Variants in CAP1 observed in about 807,000 individuals in gnomAD.
CAP1 encodes cyclase associated actin cytoskeleton regulatory protein 1, also known as adenylyl cyclase-associated protein 1.
CAP1 carries 11 observed loss-of-function variants against 58.2 expected under a neutral mutation model. The ratio of observed to expected loss-of-function variants is 0.19; its 90% confidence interval spans 0.12 to 0.31. The LOEUF is 0.31. Ranked by LOEUF, CAP1 falls within the 10% of genes least tolerant of loss-of-function variation. The pLI, the probability that CAP1 is intolerant of heterozygous loss-of-function variation, is 1.00. For missense variants in CAP1, 423 were observed against 587.5 expected, an observed-to-expected ratio of 0.72 and a Z score of 2.89; for synonymous variants, 183 against 213.8, an observed-to-expected ratio of 0.86 and a Z score of 1.26.
chr1:40,056,705 G>A (rs541160803), intron 1 of CAP1, among the ~76,000 whole-genome samples: 2 of 152,182 alleles, frequency 1.3e-5, no homozygotes, highest in African/African-American at 4.8e-5. Flanking sequence ...CAAATAGGCT[G>A]GGTGTTACTA....
chr1:40,066,302 A>C lies in CAP1; in HGVS notation c.612A>C (p.Gly204=). The change falls in exon 7 of 13, where the codon GGA becomes GGC. Residue 204 remains glycine, a synonymous_variant. Transcript: ENST00000372805. The part of the protein sequence containing the change: ...QAYIKEFHTT[G]LAWSKTGPVA... ...ACATTAAGGAGTTCCATACCACCGGACTGGCCTGGAGCAAAACGGTTAGTG... is the reference window on the plus strand; with the variant it reads ...ACATTAAGGAGTTCCATACCACCGGCCTGGCCTGGAGCAAAACGGTTAGTG... 6.2e-7 allele frequency: 1 copy of C among 1,601,172 alleles called. No homozygotes were observed. Among genetic ancestry groups the C allele is most frequent in the Non-Finnish European group, 8.6e-7 (1 of 1,168,334 alleles).
Position 40,063,833 on chromosome 1 carries a change from G to A in CAP1, c.295-394G>A, listed in dbSNP as rs554749337. ...ACAAATGCTGTAGGAGGCTGGTGTG[G>A]CTGGGTTGGAGGGCCCTCATGAAGC... On this transcript the variant is annotated intron_variant, in intron 4 of 12. Transcript: ENST00000372805. Among the ~76,000 whole-genome samples the A allele has an allele frequency of 3.3e-5, 5 of 152,324 alleles. No homozygotes were observed. The East Asian group carries it at 7.7e-4, about 23-fold the overall frequency.
Position 40,071,915 on chromosome 1 carries a change from CT to C in CAP1, c.*389del, listed in dbSNP as rs915042971. ...GATCAGAATGTTCACACTGGTTAATCTTTTTTTAACAATGAGCATGAAGGTA... is the reference window on the plus strand; with the variant it reads ...GATCAGAATGTTCACACTGGTTAATCTTTTTTAACAATGAGCATGAAGGTA... On this transcript the variant is annotated 3_prime_UTR_variant, in exon 13 of 13. Coordinates refer to ENST00000372805, the MANE Select transcript of CAP1 (RefSeq NM_006367.4). The C allele has an allele frequency of 7.3e-6, 3 of 412,566 alleles. No individual in the cohort carries two copies. The highest frequency in any genetic ancestry group is 4.1e-5 in the African/African-American group (2 of 48,884). The allele number at this position is 412,566 out of a possible 1,614,324, so 25.6% of individuals were successfully genotyped here.
chr1:40,049,788 C>T (rs1370317008), intron 1 of CAP1, among the ~76,000 whole-genome samples: 3 of 152,178 alleles, frequency 2.0e-5, no homozygotes, highest in African/African-American at 7.2e-5. Context: ...GAACATGCCA[C>T]AACCCATTTC....
At chr1:40,044,093 GTT>G (rs951462791) in intron 1 of CAP1, among the ~76,000 whole-genome samples, 18 of 152,252 alleles carry the variant, frequency 1.2e-4, no homozygotes, top group African/African-American at 3.6e-4. Flanking sequence ...TCTGTAAAAT[GTT>G]TTGTTTCCAA....
intron 1 of CAP1, among the ~76,000 whole-genome samples, chr1:40,047,574 A>G (rs2124189497): frequency 6.6e-6 from 1 of 152,340 alleles, no homozygotes. Context: ...CCATCTTTAT[A>G]TATTAGAGTG....
rs538527051 is a variant in CAP1 at position 40,041,443 on chromosome 1, T to A, written c.-11+642T>A. 3 of 152,306 alleles carry A rather than the reference T, an allele frequency of 2.0e-5. No homozygotes were observed. In the South Asian group the frequency reaches 6.2e-4, roughly 32 times the overall value. The allele number at this position is 152,306 out of a possible 1,614,324, so 9.4% of individuals were successfully genotyped here. A position where few individuals can be genotyped will look rare whatever the true frequency, so the allele number is the denominator to read the frequency against. ...TGTATTTACAGGCAGATATCCTCCC[T>A]TTCCTCCTCGGCTGCTGCTCTTACT... On this transcript the variant is annotated intron_variant, in intron 1 of 12. Coordinates refer to ENST00000372805, the MANE Select transcript of CAP1 (RefSeq NM_006367.4).
chr1:40,052,877 T>A lies in CAP1; in HGVS notation c.-10-6460T>A, dbSNP rs1570367234. ...AGGCCGAGGCAGGTGGATCACCAGG[T>A]CAGGAGATTGAGACCATCCTGGCTA... On this transcript the variant is annotated intron_variant, in intron 1 of 12. Transcript: ENST00000372805. 2.0e-5 allele frequency among the ~76,000 whole-genome samples: 3 copies of A among 151,642 alleles called. No homozygotes were observed. The South Asian group carries it at 6.2e-4, about 32-fold the overall frequency.
intron 1 of CAP1, among the ~76,000 whole-genome samples, chr1:40,054,514 G>T (rs749692697): frequency 2.9e-4 from 44 of 152,096 alleles, no homozygotes; most frequent in Non-Finnish European, 6.2e-4. Flanking sequence ...GAATTACAGT[G>T]GCAAGACATG....
chr1:40,042,798 A>G (rs763681534), intron 1 of CAP1, among the ~76,000 whole-genome samples: 1 of 152,124 alleles, frequency 6.6e-6, no homozygotes, highest in Non-Finnish European at 1.5e-5. Context: ...GACAGTGGAA[A>G]TGGGAATGGA....
At position 40,070,955 on chromosome 1, in the gene CAP1, C is replaced by T; in HGVS notation, c.1320C>T (p.Leu440=). 6.2e-7 allele frequency: 1 copy of T among 1,613,490 alleles called. No homozygotes were observed. Residue 440 remains leucine (L), a synonymous_variant, in exon 12 of 13, where the codon CTC becomes CTT. Transcript: ENST00000372805. ...VSAKSSEMNV[L]IPTEGGDFNE... Reference sequence around the variant, plus strand: ...CCAAATCTTCCGAGATGAATGTCCTCATTCCTACAGAAGGCGGTGACTTTG... The same window carrying T: ...CCAAATCTTCCGAGATGAATGTCCTTATTCCTACAGAAGGCGGTGACTTTG...
chr1:40,046,319 G>C (rs1044681955), intron 1 of CAP1, among the ~76,000 whole-genome samples: 1 of 152,104 alleles, frequency 6.6e-6, no homozygotes, highest in Non-Finnish European at 1.5e-5. Flanking sequence ...TGCTGGGTGT[G>C]GTGGCATGTA....
chr1:40,046,689 C>T (rs894703584), intron 1 of CAP1, among the ~76,000 whole-genome samples: 4 of 152,094 alleles, frequency 2.6e-5, no homozygotes. Flanking sequence ...CTTATTACTC[C>T]TGGGCTACAA....
chr1:40,052,028 C>T (rs143651409), intron 1 of CAP1, among the ~76,000 whole-genome samples: 44 of 152,218 alleles, frequency 2.9e-4, no homozygotes, highest in Non-Finnish European at 5.9e-4. Flanking sequence ...CTTCAGTAGG[C>T]CCACAATGCT....
chr1:40,060,023 CCTT>C, intron 2 of CAP1, 41 bp from the exon 3 acceptor site: 1 of 1,506,512 alleles, frequency 6.6e-7, no homozygotes, highest in Non-Finnish European at 9.2e-7. Context: ...AAAGAAGCCT[CCTT>C]CTGATGCATG....
intron 3 of CAP1, among the ~76,000 whole-genome samples, chr1:40,060,535 A>C (rs1198348330): frequency 6.6e-6 from 1 of 152,168 alleles, no homozygotes; most frequent in Non-Finnish European, 1.5e-5. Context: ...CATTTATAAA[A>C]CTATGCTTGA....
intron 8 of CAP1, 115 bp from the exon 9 acceptor site, chr1:40,069,575 A>G: frequency 1.2e-6 from 1 of 839,530 alleles, no homozygotes; most frequent in Non-Finnish European, 1.9e-6. Flanking sequence ...GCAAGAGAAC[A>G]TCTCAAAGGC....
chr1:40,067,427 C>T, intron 7 of CAP1, 113 bp from the exon 8 acceptor site: 5 of 856,612 alleles, frequency 5.8e-6, no homozygotes, highest in South Asian at 1.8e-5. Flanking sequence ...TTAATCATTG[C>T]CTCAAAGGCT....
chr1:40,067,602 TC>T lies in CAP1; in HGVS notation c.698del (p.Pro233LeufsTer39). The T allele has an allele frequency of 6.3e-7, 1 of 1,597,842 alleles. No homozygotes were observed. Among genetic ancestry groups the T allele is most frequent in the Non-Finnish European group, 8.5e-7 (1 of 1,169,706 alleles). ...SGPSAGSCPPPPPPCPPPPPV... is the reference protein window; with the variant it reads ...SGPSAGSCPPXPPPCPPPPPV... ...GACCCTCTGCCGGATCATGTCCTCC[TC>T]CCCCTCCACCATGCCCCCCTCCTCC... On this transcript the variant is annotated frameshift_variant, in exon 8 of 13. Coordinates refer to ENST00000372805, the MANE Select transcript of CAP1 (RefSeq NM_006367.4). LOFTEE classifies it high-confidence loss of function.
Sources: allele counts gnomAD v4.1 joint callset (sites outside exome capture counted in the v4.1 genomes callset), GRCh38; gene constraint gnomAD v4.1.1; transcripts MANE v1.5; gene names NCBI Gene and HGNC (gene_info 2026-07-23, HGNC 2026-07-21).